The following MINAR1 variants were observed in gnomAD, a reference collection of about 807,000 sequenced individuals.
The protein encoded by MINAR1 is major intrinsically disordered Notch2-binding receptor 1.
MINAR1 carries 40 observed loss-of-function variants against 65.1 expected under a neutral mutation model. The ratio of observed to expected loss-of-function variants is 0.61; its 90% confidence interval spans 0.48 to 0.80. The LOEUF is 0.80. MINAR1 is among the 30% of genes least tolerant of loss of function. MINAR1 has a pLI of 0.00. For synonymous variants in MINAR1, 482 were observed against 449.1 expected (o/e 1.07, Z -0.93); for missense variants, 1,128 against 1,148.0 (o/e 0.98, Z 0.25).
At chr15:79,437,020 C>T (rs1380444713) in intron 1 of MINAR1, among the ~76,000 whole-genome samples, 1 of 152,198 alleles carries the variant, frequency 6.6e-6, no homozygotes, top group Non-Finnish European at 1.5e-5. Flanking sequence ...TCTTCAATAA[C>T]ACTGGGATCT....
At chr15:79,455,071 CAAAT>C (rs1414510957) in intron 1 of MINAR1, among the ~76,000 whole-genome samples, 27 of 152,138 alleles carry the variant, frequency 1.8e-4, no homozygotes, top group Non-Finnish European at 8.8e-5. Flanking sequence ...TGTAATAAAG[CAAAT>C]AAAGTAAAAT....
At chr15:79,462,308 A>G (rs933384653) in intron 2 of MINAR1, among the ~76,000 whole-genome samples, 7 of 152,206 alleles carry the variant, frequency 4.6e-5, no homozygotes, top group Non-Finnish European at 1.0e-4. Flanking sequence ...CAGTTCTAAG[A>G]GGTCACATAA....
the MINAR1 span, chr15:79,411,516 C>T: frequency 8.7e-5 from 61 of 701,634 alleles, no homozygotes; most frequent in African/African-American, 5.4e-4. Flanking sequence ...AGATTTTCAG[C>T]GGGGAGGCAC....
In MINAR1 at chr15:79,471,009, A is replaced by C. The variant is rs560904858; in HGVS notation, c.*2625A>C. On this transcript the variant is annotated 3_prime_UTR_variant, in exon 4 of 4. Coordinates refer to ENST00000305428, the MANE Select transcript of MINAR1 (RefSeq NM_015206.3). ...CCAGCCTTCCTTCCCTGACCCTGAG[A>C]CTCACCCTATCTATCTCCCCTATTC... is the stretch of plus-strand genomic sequence containing the variant. The C allele has an allele frequency of 6.6e-6, 1 of 152,018 alleles. No individual in the cohort carries two copies. Among genetic ancestry groups the C allele is most frequent in the East Asian group, 1.9e-4 (1 of 5,158 alleles). 9.4% of individuals were successfully genotyped at this position (152,018 alleles called of 1,614,324 possible). A position where few individuals can be genotyped will look rare whatever the true frequency, so the allele number is the denominator to read the frequency against.
intron 1 of MINAR1, among the ~76,000 whole-genome samples, chr15:79,455,559 C>T (rs575673855): frequency 1.7e-4 from 26 of 152,244 alleles, no homozygotes; most frequent in Admixed American, 3.9e-4. Context: ...CAACCCTCCT[C>T]CTCACATCCA....
upstream of MINAR1, among the ~76,000 whole-genome samples, chr15:79,430,016 G>A (rs1852309077): frequency 6.6e-6 from 1 of 152,172 alleles, no homozygotes; most frequent in African/African-American, 2.4e-5. Context: ...TTCTGGGGCA[G>A]GCTTACAGAA....
chr15:79,464,520 A>G (rs898607116), intron 3 of MINAR1, among the ~76,000 whole-genome samples: 1 of 152,232 alleles, frequency 6.6e-6, no homozygotes, highest in Non-Finnish European at 1.5e-5. Flanking sequence ...GTCTAAATTC[A>G]TACTGGACCA....
At chr15:79,445,315 G>C (rs1538134) in intron 1 of MINAR1, among the ~76,000 whole-genome samples, 3 of 152,094 alleles carry the variant, frequency 2.0e-5, no homozygotes, top group Admixed American at 2.0e-4. Flanking sequence ...AAAGTACAGA[G>C]AGACTATAAT....
chr15:79,452,148 CGTAT>C (rs1177812117), intron 1 of MINAR1, among the ~76,000 whole-genome samples: 3 of 151,694 alleles, frequency 2.0e-5, no homozygotes, highest in Admixed American at 6.6e-5. Flanking sequence ...AGTGCGACAG[CGTAT>C]GTGTGTGCAG....
chr15:79,470,818 G>A lies in MINAR1; in HGVS notation c.*2434G>A, dbSNP rs1317319705. Reference sequence around the variant, plus strand: ...GCAAAATGGAGGCCAAAAGTAAGGTGGGTTTCTCTGGAAAGGGGTCATCCT... The same window carrying A: ...GCAAAATGGAGGCCAAAAGTAAGGTAGGTTTCTCTGGAAAGGGGTCATCCT... On this transcript the variant is annotated 3_prime_UTR_variant, in exon 4 of 4. Coordinates refer to ENST00000305428, the MANE Select transcript of MINAR1 (RefSeq NM_015206.3). The A allele has an allele frequency of 6.6e-6, 1 of 152,200 alleles. No individual in the cohort carries two copies. The highest frequency in any genetic ancestry group is 3.2e-3 in the Middle Eastern group (1 of 316). 9.4% of individuals were successfully genotyped at this position (152,200 alleles called of 1,614,324 possible).
chr15:79,451,635 GGCTC>G (rs1895205721), intron 1 of MINAR1, among the ~76,000 whole-genome samples: 1 of 138,030 alleles, frequency 7.2e-6, no homozygotes, highest in Admixed American at 7.3e-5. Flanking sequence ...GCTGCTCACC[GGCTC>G]CTCCTCCTGC....
intron 1 of MINAR1, among the ~76,000 whole-genome samples, chr15:79,433,120 G>A (rs745520763): frequency 5.3e-5 from 8 of 152,234 alleles, no homozygotes; most frequent in Non-Finnish European, 1.2e-4. Context: ...GGCCCGCGGG[G>A]AGCGTAAGCT....
Position 79,457,265 on chromosome 15 carries a change from CA to C in MINAR1, c.1119del (p.Glu374ArgfsTer131). On this transcript the variant is annotated frameshift_variant, in exon 2 of 4. Transcript: ENST00000305428. LOFTEE classifies it high-confidence loss of function. ...CCAGCCAAAAGCTGGAGCCTAAACA[CA>C]GAGGAAGTTCCTGACTTTGAACGGT... ...PWPAKSWSLN[T>X]EEVPDFERSF... is the part of the protein sequence containing the mutation. The C allele has an allele frequency of 6.2e-7, 1 of 1,614,204 alleles. No homozygotes were observed. Among genetic ancestry groups the C allele is most frequent in the Non-Finnish European group, 8.5e-7 (1 of 1,180,038 alleles).
In MINAR1 at chr15:79,471,787, A is replaced by T. The variant is rs1408898440; in HGVS notation, c.*3403A>T. The T allele has an allele frequency of 6.6e-6, 1 of 152,560 alleles. No homozygotes were observed. Among genetic ancestry groups the T allele is most frequent in the Non-Finnish European group, 1.5e-5 (1 of 68,030 alleles). 9.5% of individuals were successfully genotyped at this position (152,560 alleles called of 1,614,324 possible). On this transcript the variant is annotated 3_prime_UTR_variant, in exon 4 of 4. Coordinates refer to ENST00000305428, the MANE Select transcript of MINAR1 (RefSeq NM_015206.3). ...AAAAGATTTTGTTAAGTGGTATAAA[A>T]ATTTGTGAATGTTGAAATTCAACAT...
At chr15:79,463,789 A>T in intron 3 of MINAR1, 1 of 456,150 alleles carries the variant, frequency 2.2e-6, no homozygotes, top group South Asian at 1.6e-5. Context: ...AGCTCTGTGA[A>T]TGCAGTTGTG....
chr15:79,436,227 T>C (rs1200586477), intron 1 of MINAR1, among the ~76,000 whole-genome samples: 1 of 152,234 alleles, frequency 6.6e-6, no homozygotes, highest in Non-Finnish European at 1.5e-5. Context: ...ACGTGACTGA[T>C]GCAACATGTA....
At chr15:79,463,767 G>A in intron 3 of MINAR1, 1 of 457,800 alleles carries the variant, frequency 2.2e-6, no homozygotes, top group South Asian at 1.5e-5. Flanking sequence ...CCAGGTAAGA[G>A]CCATCCCCGG....
chr15:79,427,735 A>G (rs1438948419), upstream of MINAR1, among the ~76,000 whole-genome samples: 1 of 152,228 alleles, frequency 6.6e-6, no homozygotes, highest in Non-Finnish European at 1.5e-5. Context: ...TTTGTGCATG[A>G]CATATATCCT....
At chr15:79,412,000 G>T in the MINAR1 span, 15 of 152,214 alleles carry the variant, frequency 9.9e-5, no homozygotes, top group African/African-American at 3.4e-4. Context: ...CAGACTGGCC[G>T]TGCCTGCTTG....
Sources: allele counts gnomAD v4.1 joint callset (sites outside exome capture counted in the v4.1 genomes callset), GRCh38; gene constraint gnomAD v4.1.1; transcripts MANE v1.5; gene names NCBI Gene and HGNC (gene_info 2026-07-23, HGNC 2026-07-21).